The following SGCZ variants were observed in gnomAD, a reference collection of about 807,000 sequenced individuals.
SGCZ encodes zeta-sarcoglycan.
A neutral mutation model predicts 41.3 loss-of-function variants in SGCZ; 40 were observed. The ratio of observed to expected loss-of-function variants is 0.97; its 90% confidence interval spans 0.75 to 1.26. The LOEUF (loss-of-function observed/expected upper bound fraction) is 1.26, where lower values mean the gene tolerates loss of function less well. Ranked by LOEUF, SGCZ falls within the 50% of genes most tolerant of loss-of-function variation. The pLI is 0.00. For missense variants in SGCZ, 552 were observed against 369.8 expected, an observed-to-expected ratio of 1.49 and a Z score of -4.04; for synonymous variants, 206 against 137.5, an observed-to-expected ratio of 1.50 and a Z score of -3.49.
intron 1 of SGCZ, among the ~76,000 whole-genome samples, chr8:14,661,520 T>C (rs542509661): frequency 5.9e-5 from 9 of 152,148 alleles, no homozygotes; most frequent in Non-Finnish European, 1.3e-4. Context: ...CAATCAAACA[T>C]TGAGGCATGA....
chr8:14,174,509 G>C (rs1213035649), intron 4 of SGCZ, among the ~76,000 whole-genome samples: 1 of 151,928 alleles, frequency 6.6e-6, no homozygotes, highest in Non-Finnish European at 1.5e-5. Flanking sequence ...ATGAAATAAT[G>C]AAAGACACAA....
intron 5 of SGCZ, among the ~76,000 whole-genome samples, chr8:14,160,050 GGT>G (rs1228000848): frequency 6.6e-6 from 1 of 152,110 alleles, no homozygotes; most frequent in Non-Finnish European, 1.5e-5. Flanking sequence ...TAGGGCACTG[GGT>G]AGATGCAGAG....
chr8:14,482,463 A>G (rs1242838345), intron 2 of SGCZ, among the ~76,000 whole-genome samples: 1 of 152,070 alleles, frequency 6.6e-6, no homozygotes, highest in African/African-American at 2.4e-5. Flanking sequence ...AATCTCCCTT[A>G]CCGCTCTCAG....
rs67680869 is a variant in SGCZ, at chr8:14,171,632, G to A, written c.425-6930C>T. Among the ~76,000 whole-genome samples the A allele has an allele frequency of 3.7e-3, 558 of 151,828 alleles. 1 individual carries two copies. Among genetic ancestry groups the A allele is most frequent in the African/African-American group, 0.011 (450 of 41,464 alleles). ...TTTACATTTTCTAACATAAAAAATC[G>A]TATACAGAAACCATTTTAAATGGAG... On this transcript the variant is annotated intron_variant, in intron 4 of 7. Transcript: ENST00000382080.
intron 3 of SGCZ, among the ~76,000 whole-genome samples, chr8:14,308,171 A>G (rs1801408278): frequency 6.6e-6 from 1 of 152,138 alleles, no homozygotes; most frequent in Non-Finnish European, 1.5e-5. Flanking sequence ...ATTGCTGGAC[A>G]TATAGAACAT....
chr8:14,908,056 C>T (rs1352229684), intron 1 of SGCZ, among the ~76,000 whole-genome samples: 1 of 152,010 alleles, frequency 6.6e-6, no homozygotes, highest in African/African-American at 2.4e-5. Context: ...ACATAGAAAC[C>T]ACTGAAAATA....
chr8:15,131,165 T>C (rs971960919), intron 1 of SGCZ, among the ~76,000 whole-genome samples: 2 of 152,228 alleles, frequency 1.3e-5, no homozygotes, highest in Non-Finnish European at 2.9e-5. Context: ...CGTTTGTCTG[T>C]GTCCCCACCC....
chr8:14,990,610 T>C (rs1182232542), intron 1 of SGCZ, among the ~76,000 whole-genome samples: 1 of 152,078 alleles, frequency 6.6e-6, no homozygotes, highest in Non-Finnish European at 1.5e-5. Flanking sequence ...TGAGACCATC[T>C]AGTTGCAGGA....
At chr8:14,568,029 C>T (rs905453213) in intron 1 of SGCZ, among the ~76,000 whole-genome samples, 1 of 152,144 alleles carries the variant, frequency 6.6e-6, no homozygotes, top group African/African-American at 2.4e-5. Context: ...ATTCTGGACA[C>T]AATATGATCA....
At chr8:14,848,202 A>G (rs1023195853) in intron 1 of SGCZ, among the ~76,000 whole-genome samples, 1 of 152,176 alleles carries the variant, frequency 6.6e-6, no homozygotes, top group African/African-American at 2.4e-5. Flanking sequence ...TGTTTAGAGA[A>G]ATGAAAGAGG....
chr8:14,150,970 A>C (rs530412951), intron 5 of SGCZ, among the ~76,000 whole-genome samples: 1 of 152,286 alleles, frequency 6.6e-6, no homozygotes, highest in East Asian at 1.9e-4. Flanking sequence ...GGACCTAAAA[A>C]TCACAACAAT....
At chr8:14,184,870 C>T (rs1307166603) in intron 4 of SGCZ, among the ~76,000 whole-genome samples, 3 of 152,160 alleles carry the variant, frequency 2.0e-5, no homozygotes, top group African/African-American at 7.2e-5. Flanking sequence ...TACCAGAATA[C>T]ATTAGAGCAT....
chr8:15,150,930 T>C (rs1233510114), intron 1 of SGCZ, among the ~76,000 whole-genome samples: 1 of 152,234 alleles, frequency 6.6e-6, no homozygotes, highest in African/African-American at 2.4e-5. Context: ...GTGTAATTCA[T>C]TCTCCTCTAG....
chr8:14,867,300 G>C (rs1585331630), intron 1 of SGCZ, among the ~76,000 whole-genome samples: 1 of 152,230 alleles, frequency 6.6e-6, no homozygotes, highest in African/African-American at 2.4e-5. Flanking sequence ...TTTAAGAGCT[G>C]CATAGTATTC....
intron 1 of SGCZ, among the ~76,000 whole-genome samples, chr8:15,074,701 C>T (rs1805467377): frequency 6.6e-6 from 1 of 152,150 alleles, no homozygotes. Context: ...CTCACGATTC[C>T]ATTTCCACAT....
intron 1 of SGCZ, among the ~76,000 whole-genome samples, chr8:15,164,106 C>T (rs923978454): frequency 6.6e-6 from 1 of 152,214 alleles, no homozygotes; most frequent in African/African-American, 2.4e-5. Flanking sequence ...ATCTCACTCA[C>T]CATTCAAATT....
chr8:14,942,329 G>A (rs1800303013), intron 1 of SGCZ, among the ~76,000 whole-genome samples: 1 of 152,110 alleles, frequency 6.6e-6, no homozygotes, highest in Non-Finnish European at 1.5e-5. Flanking sequence ...TTTACCATGA[G>A]AAATAAGGCC....
chr8:14,793,022 A>G (rs1801004966), intron 1 of SGCZ, among the ~76,000 whole-genome samples: 1 of 152,214 alleles, frequency 6.6e-6, no homozygotes, highest in African/African-American at 2.4e-5. Flanking sequence ...TATTGACAAG[A>G]ATTACAATAT....
intron 2 of SGCZ, among the ~76,000 whole-genome samples, chr8:14,484,424 A>AT (rs1180053168): frequency 5.9e-5 from 9 of 152,140 alleles, no homozygotes; most frequent in African/African-American, 2.2e-4. Flanking sequence ...GTTTTGTTAT[A>AT]TTTTTAAAGG....
Sources: allele counts gnomAD v4.1 joint callset (sites outside exome capture counted in the v4.1 genomes callset), GRCh38; gene constraint gnomAD v4.1.1; transcripts MANE v1.5; gene names NCBI Gene and HGNC (gene_info 2026-07-23, HGNC 2026-07-21).